The following DLG2 variants were observed in gnomAD, a reference collection of about 807,000 sequenced individuals.
The protein encoded by DLG2 is discs large MAGUK scaffold protein 2.
In DLG2, 45 loss-of-function variants were observed where a neutral mutation model predicts 132.5. The observed-to-expected ratio is 0.34, with a 90% CI of 0.27 to 0.44. The LOEUF is 0.44. DLG2 is among the 20% of genes least tolerant of loss of function. The pLI, the probability that DLG2 is intolerant of heterozygous loss-of-function variation, is 1.00. For synonymous variants in DLG2, 424 were observed against 419.6 expected, an observed-to-expected ratio of 1.01 and a Z score of -0.13; for missense variants, 1,045 against 1,196.9, an observed-to-expected ratio of 0.87 and a Z score of 1.87.
intron 6 of DLG2, among the ~76,000 whole-genome samples, chr11:84,927,023 A>T (rs1231821084): frequency 6.6e-6 from 1 of 152,066 alleles, no homozygotes; most frequent in African/African-American, 2.4e-5. Context: ...TATCAAGAAA[A>T]TTGGACTAGT....
intron 7 of DLG2, among the ~76,000 whole-genome samples, chr11:84,303,097 T>C (rs1266776342): frequency 1.3e-5 from 2 of 152,042 alleles, no homozygotes; most frequent in Non-Finnish European, 2.9e-5. Context: ...GGTGACAGAG[T>C]GAGACTCTGT....
intron 19 of DLG2, chr11:83,632,586 T>C (rs1281940489): frequency 1.3e-5 from 2 of 152,278 alleles, no homozygotes; most frequent in African/African-American, 4.8e-5. Flanking sequence ...AGGTAGCTAC[T>C]AGGATGAAAG....
chr11:85,396,154 A>C (rs1473448363), intron 3 of DLG2, among the ~76,000 whole-genome samples: 1 of 152,096 alleles, frequency 6.6e-6, no homozygotes, highest in Non-Finnish European at 1.5e-5. Context: ...CCTACAGCAA[A>C]CTCCAACAGA....
rs373389697 is a variant in DLG2 at position 84,291,181 on chromosome 11, G to A, written c.520-39890C>T. 1.0e-3 allele frequency among the ~76,000 whole-genome samples: 158 copies of A among 152,108 alleles called. 1 individual carries two copies. The South Asian group carries it at 0.013, about 13-fold the overall frequency. ...AGATGAGGCAGTTTTTATTACATAT[G>A]ACTGACCATTGACCAAAAACAATTA... On this transcript the variant is annotated intron_variant, in intron 7 of 27. Transcript: ENST00000376104.
At chr11:83,466,615 G>T in intron 26 of DLG2, 93 bp downstream of exon 26, 1 of 655,484 alleles carries the variant, frequency 1.5e-6, no homozygotes, top group Non-Finnish European at 2.7e-6. Flanking sequence ...TTTCCCATTT[G>T]TAAGCATTCC....
intron 6 of DLG2, among the ~76,000 whole-genome samples, chr11:84,767,347 G>A (rs1048874621): frequency 3.9e-5 from 6 of 151,986 alleles, no homozygotes; most frequent in South Asian, 2.1e-4. Flanking sequence ...TCAGACAGAC[G>A]CAGAAACAAA....
chr11:84,438,432 T>A (rs931868484), intron 7 of DLG2, among the ~76,000 whole-genome samples: 1 of 151,680 alleles, frequency 6.6e-6, no homozygotes, highest in African/African-American at 2.4e-5. Flanking sequence ...TCAAATCGAG[T>A]GTTAAACTAA....
At chr11:83,955,163 T>C (rs2154151007) in intron 14 of DLG2, among the ~76,000 whole-genome samples, 1 of 152,336 alleles carries the variant, frequency 6.6e-6, no homozygotes, top group African/African-American at 2.4e-5. Context: ...ACTCAGTTTA[T>C]TGTCACAACA....
chr11:83,789,438 A>T (rs889721111), intron 17 of DLG2, among the ~76,000 whole-genome samples: 2 of 152,210 alleles, frequency 1.3e-5, no homozygotes, highest in South Asian at 2.1e-4. Context: ...TATTCTGCAC[A>T]TTGAGGAAAG....
At chr11:84,533,464 T>C (rs1053808055) in intron 7 of DLG2, among the ~76,000 whole-genome samples, 1 of 152,230 alleles carries the variant, frequency 6.6e-6, no homozygotes, top group African/African-American at 2.4e-5. Flanking sequence ...AGTTACTATA[T>C]AATATTTACT....
intron 11 of DLG2, among the ~76,000 whole-genome samples, chr11:84,034,402 C>A (rs1045153809): frequency 6.6e-6 from 1 of 152,072 alleles, no homozygotes; most frequent in Admixed American, 6.5e-5. Flanking sequence ...ATGTGACTTG[C>A]TTTATTATGA....
chr11:83,986,031 T>A (rs2093266824), intron 11 of DLG2, among the ~76,000 whole-genome samples: 1 of 152,056 alleles, frequency 6.6e-6, no homozygotes, highest in Admixed American at 6.6e-5. Context: ...TTTTTGACTT[T>A]TTTTTTAAAC....
intron 7 of DLG2, among the ~76,000 whole-genome samples, chr11:84,482,413 C>A (rs1388555730): frequency 6.6e-6 from 1 of 152,110 alleles, no homozygotes; most frequent in Admixed American, 6.6e-5. Flanking sequence ...AAAAATGTTG[C>A]AGGTGCAGGA....
intron 11 of DLG2, among the ~76,000 whole-genome samples, chr11:83,986,915 T>C (rs1005788611): frequency 1.3e-5 from 2 of 152,186 alleles, no homozygotes; most frequent in African/African-American, 4.8e-5. Flanking sequence ...TTGTTTGTCT[T>C]TTTCTTGTAA....
intron 3 of DLG2, among the ~76,000 whole-genome samples, chr11:85,501,057 G>T (rs1261363327): frequency 2.0e-5 from 3 of 152,094 alleles, no homozygotes; most frequent in African/African-American, 7.2e-5. Context: ...CATGGTACTG[G>T]TACCAAAACA....
chr11:84,591,216 T>G (rs751979724), intron 6 of DLG2, among the ~76,000 whole-genome samples: 118 of 112,664 alleles, frequency 1.0e-3, no homozygotes, highest in Non-Finnish European at 1.9e-3. Context: ...GCTATATATG[T>G]GTCTCTCTGT....
intron 4 of DLG2, among the ~76,000 whole-genome samples, chr11:85,167,027 T>A (rs1396637466): frequency 1.3e-5 from 2 of 152,190 alleles, no homozygotes; most frequent in African/African-American, 2.4e-5. Flanking sequence ...TTTATATTAT[T>A]TTGCTCAAAC....
At chr11:85,507,644 T>C (rs1565606300) in intron 3 of DLG2, among the ~76,000 whole-genome samples, 2 of 152,212 alleles carry the variant, frequency 1.3e-5, no homozygotes, top group Non-Finnish European at 2.9e-5. Context: ...TTAACATTTT[T>C]TCCTTCATTT....
At chr11:83,982,201 T>C (rs1415321792) in intron 11 of DLG2, among the ~76,000 whole-genome samples, 2 of 152,164 alleles carry the variant, frequency 1.3e-5, no homozygotes, top group South Asian at 4.1e-4. Flanking sequence ...CTATGCTTTT[T>C]ATTGTTATAT....
Sources: allele counts gnomAD v4.1 joint callset (sites outside exome capture counted in the v4.1 genomes callset), GRCh38; gene constraint gnomAD v4.1.1; transcripts MANE v1.5; gene names NCBI Gene and HGNC (gene_info 2026-07-23, HGNC 2026-07-21).